ZNF385B: variants seen among roughly 807,000 people sequenced by gnomAD.
ZNF385B encodes zinc finger protein 385B, also known as zinc finger protein 533.
In ZNF385B, 23 loss-of-function variants were observed where a neutral mutation model predicts 39.2. The observed-to-expected ratio is 0.59, with a 90% CI of 0.42 to 0.83. The LOEUF (loss-of-function observed/expected upper bound fraction) is 0.83. ZNF385B is among the 40% of genes least tolerant of loss of function. The probability of loss-of-function intolerance (pLI) is 0.00; values close to 1 mark genes in which losing one functional copy is unlikely to be tolerated. For missense variants in ZNF385B, 552 were observed against 598.9 expected, an observed-to-expected ratio of 0.92 and a Z score of 0.82; for synonymous variants, 205 against 222.6, an observed-to-expected ratio of 0.92 and a Z score of 0.70.
chr2:179,521,353 GTTT>G (rs56392185), intron 4 of ZNF385B, among the ~76,000 whole-genome samples: 168 of 108,168 alleles, frequency 1.6e-3, no homozygotes, highest in African/African-American at 5.8e-3. Flanking sequence ...CACCTGGCCA[GTTT>G]TTTTTTTTTT....
chr2:179,516,005 G>A (rs1392160712), intron 5 of ZNF385B, among the ~76,000 whole-genome samples: 1 of 152,088 alleles, frequency 6.6e-6, no homozygotes, highest in East Asian at 1.9e-4. Flanking sequence ...AAAGTTATCC[G>A]AGTGCAATCA....
chr2:179,554,764 G>C (rs544373725), intron 3 of ZNF385B, among the ~76,000 whole-genome samples: 2 of 149,312 alleles, frequency 1.3e-5, no homozygotes, highest in African/African-American at 5.0e-5. Context: ...AACTTCATTA[G>C]TAGTTAGGAA....
At chr2:179,753,866 T>C (rs1702843184) in intron 3 of ZNF385B, among the ~76,000 whole-genome samples, 1 of 152,242 alleles carries the variant, frequency 6.6e-6, no homozygotes, top group Non-Finnish European at 1.5e-5. Context: ...GACACAATCA[T>C]GTCATCTGCA....
At chr2:179,457,501 T>C (rs980204232) in intron 6 of ZNF385B, among the ~76,000 whole-genome samples, 8 of 152,144 alleles carry the variant, frequency 5.3e-5, no homozygotes, top group African/African-American at 1.9e-4. Flanking sequence ...CAGCAATGTA[T>C]GAAAATTTCA....
intron 6 of ZNF385B, among the ~76,000 whole-genome samples, chr2:179,475,969 A>T (rs1207895052): frequency 2.1e-5 from 3 of 144,094 alleles, no homozygotes; most frequent in Non-Finnish European, 4.5e-5. Flanking sequence ...GTGAGCCAAG[A>T]TCATGCCACT....
intron 1 of ZNF385B, among the ~76,000 whole-genome samples, chr2:179,830,237 T>C (rs1285872148): frequency 6.6e-6 from 1 of 152,232 alleles, no homozygotes. Flanking sequence ...TGTATGCTGG[T>C]AAGGATGTGG....
chr2:179,685,411 A>G (rs916915665), intron 3 of ZNF385B, among the ~76,000 whole-genome samples: 6 of 152,208 alleles, frequency 3.9e-5, no homozygotes, highest in African/African-American at 1.4e-4. Context: ...TTCCATAGTT[A>G]ACAATTAAAA....
chr2:179,748,213 C>A (rs542657281), intron 3 of ZNF385B, among the ~76,000 whole-genome samples: 1 of 151,706 alleles, frequency 6.6e-6, no homozygotes, highest in Admixed American at 6.6e-5. Context: ...CAATAATGCA[C>A]GATGACAAAA....
At chr2:179,672,158 T>A (rs996842000) in intron 3 of ZNF385B, among the ~76,000 whole-genome samples, 8 of 152,224 alleles carry the variant, frequency 5.3e-5, no homozygotes, top group African/African-American at 1.9e-4. Flanking sequence ...GAGCTTTGAA[T>A]CAAAGATTAT....
At chr2:179,654,039 A>G (rs1693477397) in intron 3 of ZNF385B, among the ~76,000 whole-genome samples, 1 of 152,152 alleles carries the variant, frequency 6.6e-6, no homozygotes, top group Non-Finnish European at 1.5e-5. Flanking sequence ...ATTTCACAGG[A>G]GGAAAGACCT....
chr2:179,536,055 T>C (rs1413683354), intron 4 of ZNF385B, among the ~76,000 whole-genome samples: 5 of 152,218 alleles, frequency 3.3e-5, no homozygotes, highest in Non-Finnish European at 7.3e-5. Context: ...AAATACATTT[T>C]CTGAGCTGGT....
chr2:179,483,530 CA>C, intron 5 of ZNF385B, 96 bp from the exon 6 acceptor site: 1 of 1,510,722 alleles, frequency 6.6e-7, no homozygotes, highest in Non-Finnish European at 9.1e-7. Context: ...TCATAGGCAC[CA>C]CAGACATTTA....
intron 1 of ZNF385B, among the ~76,000 whole-genome samples, chr2:179,774,286 T>C (rs2106512154): frequency 6.6e-6 from 1 of 151,786 alleles, no homozygotes; most frequent in East Asian, 1.9e-4. Context: ...GCATGTGTAA[T>C]ATGTGTGTGG....
At chr2:179,768,195 C>T (rs745655795) in intron 3 of ZNF385B, among the ~76,000 whole-genome samples, 2 of 151,832 alleles carry the variant, frequency 1.3e-5, no homozygotes, top group Non-Finnish European at 2.9e-5. Context: ...AGCGATCTGC[C>T]TGCCTTGGCC....
At chr2:179,605,949 G>C (rs1244760409) in intron 3 of ZNF385B, among the ~76,000 whole-genome samples, 2 of 152,154 alleles carry the variant, frequency 1.3e-5, no homozygotes, top group Non-Finnish European at 2.9e-5. Flanking sequence ...ATCTAGCTGA[G>C]AAGGGCTTTT....
intron 1 of ZNF385B, among the ~76,000 whole-genome samples, chr2:179,787,395 T>C (rs996652803): frequency 6.6e-6 from 1 of 152,072 alleles, no homozygotes; most frequent in African/African-American, 2.4e-5. Context: ...AGAAAATATA[T>C]AGAAGTATAG....
chr2:179,843,053 C>A (rs553984767), intron 1 of ZNF385B, among the ~76,000 whole-genome samples: 16 of 152,242 alleles, frequency 1.1e-4, no homozygotes, highest in Admixed American at 3.9e-4. Context: ...AAGATGCAGA[C>A]CATTGTATCC....
At chr2:179,450,762 A>G (rs2050043766) in intron 6 of ZNF385B, among the ~76,000 whole-genome samples, 1 of 152,178 alleles carries the variant, frequency 6.6e-6, no homozygotes. Flanking sequence ...ATATACCCAA[A>G]GGATTATAAA....
chr2:179,447,985 T>G (rs920266293), intron 6 of ZNF385B, among the ~76,000 whole-genome samples: 3 of 152,220 alleles, frequency 2.0e-5, no homozygotes, highest in South Asian at 4.1e-4. Context: ...ATCCTTTTTT[T>G]TTTTTTTGAG....
Sources: gnomAD v4.1 joint callset for allele counts (sites outside exome capture counted in the v4.1 genomes callset) on GRCh38, gnomAD v4.1.1 for gene constraint, MANE v1.5 for transcripts, NCBI Gene and HGNC (gene_info 2026-07-23, HGNC 2026-07-21) for gene names.